The following CDC73 variants were observed in gnomAD, a reference collection of about 807,000 sequenced individuals.
CDC73 encodes cell division cycle 73.
In CDC73, 21 loss-of-function variants were observed where a neutral mutation model predicts 83.7. The ratio of observed to expected loss-of-function variants is 0.25; its 90% CI spans 0.18 to 0.36. The LOEUF is 0.36. CDC73 is among the 10% of genes least tolerant of loss of function. The pLI, the probability that CDC73 is intolerant of heterozygous loss-of-function variation, is 1.00. For missense variants in CDC73, 342 were observed against 653.3 expected, an observed-to-expected ratio of 0.52 and a Z score of 5.19; for synonymous variants, 224 against 212.9, an observed-to-expected ratio of 1.05 and a Z score of -0.45.
intron 13 of CDC73, among the ~76,000 whole-genome samples, chr1:193,218,430 T>A (rs959209019): frequency 1.3e-5 from 2 of 152,142 alleles, no homozygotes; most frequent in African/African-American, 4.8e-5. Context: ...AAAATCCATA[T>A]GGAACCAAAA....
chr1:193,133,421 C>A (rs1311021218), intron 3 of CDC73, among the ~76,000 whole-genome samples: 1 of 152,102 alleles, frequency 6.6e-6, no homozygotes. Context: ...CAAGGTGATT[C>A]TAAAGTTCAT....
intron 15 of CDC73, among the ~76,000 whole-genome samples, chr1:193,240,377 C>T (rs2102065637): frequency 6.6e-6 from 1 of 152,288 alleles, no homozygotes; most frequent in East Asian, 1.9e-4. Context: ...GAAAAATACC[C>T]AGTAGTAGGA....
chr1:193,193,491 C>G (rs1167711282), intron 10 of CDC73, among the ~76,000 whole-genome samples: 2 of 151,880 alleles, frequency 1.3e-5, no homozygotes, highest in East Asian at 1.9e-4. Flanking sequence ...TGTTGTTATT[C>G]TTTTGATTTC....
chr1:193,241,926 G>A (rs762502407), intron 15 of CDC73, among the ~76,000 whole-genome samples: 22 of 152,196 alleles, frequency 1.4e-4, no homozygotes, highest in Non-Finnish European at 2.8e-4. Context: ...GGAGAGCAGC[G>A]TTGTTTTCAG....
intron 10 of CDC73, among the ~76,000 whole-genome samples, chr1:193,191,189 A>G (rs868255922): frequency 6.6e-6 from 1 of 152,154 alleles, no homozygotes; most frequent in Non-Finnish European, 1.5e-5. Flanking sequence ...TTTGTTCTAA[A>G]CTTGGCCAAT....
At chr1:193,180,498 A>T (rs1676695600) in intron 10 of CDC73, 2 of 1,613,972 alleles carry the variant, frequency 1.2e-6, no homozygotes, top group African/African-American at 2.7e-5. Flanking sequence ...GAGGGGGTAC[A>T]GGATCAATTC....
intron 13 of CDC73, among the ~76,000 whole-genome samples, chr1:193,222,256 T>C (rs568534083): frequency 6.6e-6 from 1 of 152,252 alleles, no homozygotes; most frequent in Admixed American, 6.5e-5. Context: ...GGAAAGATTG[T>C]GCGCAGAAGG....
intron 13 of CDC73, among the ~76,000 whole-genome samples, chr1:193,221,902 A>G (rs1409752637): frequency 1.3e-5 from 2 of 152,166 alleles, no homozygotes; most frequent in Non-Finnish European, 2.9e-5. Context: ...CCTCCTCCAC[A>G]CAATTATGGT....
chr1:193,147,373 CTTT>C (rs945525186), intron 7 of CDC73, among the ~76,000 whole-genome samples: 1 of 137,396 alleles, frequency 7.3e-6, no homozygotes. Flanking sequence ...TTTTTTTTTT[CTTT>C]TTTTTTTTTG....
At chr1:193,162,287 TG>T (rs1427848588) in intron 10 of CDC73, among the ~76,000 whole-genome samples, 1 of 128,534 alleles carries the variant, frequency 7.8e-6, no homozygotes, top group Non-Finnish European at 1.6e-5. Flanking sequence ...ATAGTATATA[TG>T]ATATATTATA....
chr1:193,234,252 A>C (rs1404274716), intron 14 of CDC73, among the ~76,000 whole-genome samples: 4 of 122,346 alleles, frequency 3.3e-5, no homozygotes, highest in African/African-American at 1.2e-4. Context: ...ATATTTATTT[A>C]TATATATAAT....
chr1:193,170,411 A>G (rs1356473002), intron 10 of CDC73, among the ~76,000 whole-genome samples: 2 of 152,166 alleles, frequency 1.3e-5, no homozygotes, highest in African/African-American at 4.8e-5. Flanking sequence ...CACTTTCATC[A>G]ACAATGTGTA....
intron 13 of CDC73, among the ~76,000 whole-genome samples, chr1:193,231,910 C>T (rs1175059087): frequency 1.3e-5 from 2 of 151,978 alleles, no homozygotes; most frequent in East Asian, 3.8e-4. Flanking sequence ...ATTGTATTCC[C>T]TCCATTTTAT....
At chr1:193,220,916 T>C (rs1205569892) in intron 13 of CDC73, among the ~76,000 whole-genome samples, 3 of 151,536 alleles carry the variant, frequency 2.0e-5, no homozygotes, top group Non-Finnish European at 1.5e-5. Flanking sequence ...CTTCTAAAAA[T>C]TGTTTAGTTT....
Position 193,212,082 on chromosome 1 carries a change from C to T in CDC73, c.1048C>T (p.Pro350Ser), listed in dbSNP as rs773264613. The T allele has an allele frequency of 6.3e-7, 1 of 1,585,010 alleles. No homozygotes were observed. The highest frequency in any genetic ancestry group is 8.6e-7 in the Non-Finnish European group (1 of 1,160,852). ...VPRPVSQARP[P>S]PNQKKGSRTP... ...TTTCACAGTTTCTCAAGCAAGACCTCCCCCAAATCAGAAGAAAGGTGAGGT... is the reference window on the plus strand; with the variant it reads ...TTTCACAGTTTCTCAAGCAAGACCTTCCCCAAATCAGAAGAAAGGTGAGGT... Residue 350 changes from proline (P) to serine (S), a missense_variant, in exon 12 of 17, where the codon CCC becomes TCC. Coordinates refer to ENST00000367435, the MANE Select transcript of CDC73 (RefSeq NM_024529.5).
chr1:193,163,444 C>T (rs971836992), intron 10 of CDC73, among the ~76,000 whole-genome samples: 1 of 151,960 alleles, frequency 6.6e-6, no homozygotes, highest in Non-Finnish European at 1.5e-5. Flanking sequence ...GAGGTCAAGG[C>T]TGTAGTGAGC....
chr1:193,212,119 T>C lies in CDC73; in HGVS notation c.1066+19T>C. 1 of 1,564,666 alleles carries C rather than the reference T, an allele frequency of 6.4e-7. No homozygotes were observed. The highest frequency in any genetic ancestry group is 8.7e-7 in the Non-Finnish European group (1 of 1,147,280). Reference sequence around the variant, plus strand: ...AAGAAAGGTGAGGTTGTGCATATGATTTTAAACTTAACTTTAAAAAGTAAA... The same window carrying C: ...AAGAAAGGTGAGGTTGTGCATATGACTTTAAACTTAACTTTAAAAAGTAAA... On this transcript the variant is annotated intron_variant, in intron 12 of 16. Coordinates refer to ENST00000367435, the MANE Select transcript of CDC73 (RefSeq NM_024529.5).
chr1:193,174,286 A>G (rs1446958684), intron 10 of CDC73, among the ~76,000 whole-genome samples: 1 of 151,920 alleles, frequency 6.6e-6, no homozygotes. Flanking sequence ...TTCAGATCTC[A>G]GTTCATCAGC....
In CDC73 at chr1:193,193,101, C is replaced by G. The variant is rs556300048; in HGVS notation, c.973-10694C>G. 1.7e-4 allele frequency among the ~76,000 whole-genome samples: 26 copies of G among 152,280 alleles called. No homozygotes were observed. In the South Asian group the frequency reaches 5.2e-3, roughly 30 times the overall value. On this transcript the variant is annotated intron_variant, in intron 10 of 16. Transcript: ENST00000367435. ...AAGCCCCTACAGCAAACCCTTACAG[C>G]AAAGCAGACAAGAGACATGCCAAGT...
Sources: gnomAD v4.1 joint callset for allele counts (sites outside exome capture counted in the v4.1 genomes callset) on GRCh38, gnomAD v4.1.1 for gene constraint, MANE v1.5 for transcripts, NCBI Gene and HGNC (gene_info 2026-07-23, HGNC 2026-07-21) for gene names.